The following TNC variants were observed in gnomAD, a reference collection of about 807,000 sequenced individuals.
TNC encodes the protein tenascin C.
Under a neutral mutation model 202.4 loss-of-function variants are expected in TNC, and 109 were observed. That is an observed-to-expected ratio of 0.54 (90% CI 0.46 to 0.63). The LOEUF is 0.63. Ranked by LOEUF, TNC falls within the 30% of genes least tolerant of loss-of-function variation. TNC has a pLI of 0.00. For missense variants in TNC, 2,756 were observed against 2,833.3 expected, an observed-to-expected ratio of 0.97 and a Z score of 0.62; for synonymous variants, 1,007 against 1,089.7, an observed-to-expected ratio of 0.92 and a Z score of 1.50.
intron 15 of TNC, among the ~76,000 whole-genome samples, chr9:115,049,226 C>T (rs1002902074): frequency 2.6e-5 from 4 of 152,134 alleles, no homozygotes; most frequent in Non-Finnish European, 5.9e-5. Context: ...CTCCTTCATT[C>T]GTTCACCAAA....
At chr9:115,035,940 G>C (rs1830289382) in intron 21 of TNC, 158 bp downstream of exon 21, 1 of 840,476 alleles carries the variant, frequency 1.2e-6, no homozygotes, top group African/African-American at 1.7e-5. Context: ...TTCAGGCCTT[G>C]ACTGAGTGGG....
At chr9:115,078,273 G>A in intron 6 of TNC, 61 bp from the exon 7 acceptor site, 1 of 1,526,026 alleles carries the variant, frequency 6.6e-7, no homozygotes, top group South Asian at 1.3e-5. Context: ...AGGCTTAGCA[G>A]AGAGAGGACT....
At chr9:115,105,386 C>G (rs569827020) in intron 1 of TNC, among the ~76,000 whole-genome samples, 2 of 152,272 alleles carry the variant, frequency 1.3e-5, no homozygotes, top group African/African-American at 4.8e-5. Flanking sequence ...TGTGGATTAT[C>G]TCATTGAATC....
chr9:115,026,351 A>G (rs1829480807), intron 26 of TNC, among the ~76,000 whole-genome samples, 183 bp downstream of exon 26: 1 of 152,196 alleles, frequency 6.6e-6, no homozygotes, highest in African/African-American at 2.4e-5. Flanking sequence ...TCAGGACCCA[A>G]ATATCTACCC....
intron 26 of TNC, among the ~76,000 whole-genome samples, chr9:115,024,474 A>G (rs532641504): frequency 6.6e-6 from 1 of 152,340 alleles, no homozygotes; most frequent in South Asian, 2.1e-4. Context: ...CAATGGAACC[A>G]GCACTTTGAT....
chr9:115,021,954 A>G (rs1829105466), intron 27 of TNC, among the ~76,000 whole-genome samples: 1 of 152,204 alleles, frequency 6.6e-6, no homozygotes, highest in East Asian at 1.9e-4. Flanking sequence ...CTTGGTAAAT[A>G]TTACTTCCCT....
Position 115,021,110 on chromosome 9 carries a change from T to G in TNC, c.*47A>C, listed in dbSNP as rs1396912232. On this transcript the variant is annotated 3_prime_UTR_variant, in exon 28 of 28. Coordinates refer to ENST00000350763, the MANE Select transcript of TNC (RefSeq NM_002160.4). Reference sequence around the variant, plus strand: ...GTATTGATGCTTTGGTAAAATCCTTTCCTCGCTCTGGGCCTTATTCCTCTC... The same window carrying G: ...GTATTGATGCTTTGGTAAAATCCTTGCCTCGCTCTGGGCCTTATTCCTCTC... 8 of 1,478,496 alleles carry G rather than the reference T, an allele frequency of 5.4e-6. No homozygotes were observed. Among genetic ancestry groups the G allele is most frequent in the Non-Finnish European group, 7.5e-6 (8 of 1,059,972 alleles). 91.6% of individuals were successfully genotyped at this position (1,478,496 alleles called of 1,614,324 possible).
At chr9:115,061,480 A>G (rs1455002806) in intron 13 of TNC, among the ~76,000 whole-genome samples, 1 of 152,200 alleles carries the variant, frequency 6.6e-6, no homozygotes, top group Non-Finnish European at 1.5e-5. Context: ...GGAAGATATG[A>G]GCATCTTGCA....
chr9:115,063,691 C>G (rs1291054425), intron 12 of TNC, 105 bp downstream of exon 12: 2 of 1,236,246 alleles, frequency 1.6e-6, no homozygotes, highest in Non-Finnish European at 2.3e-6. Flanking sequence ...TGGTATTTCC[C>G]CAATGTGGTA....
At chr9:115,027,183 G>GT (rs1173971051) in intron 25 of TNC, among the ~76,000 whole-genome samples, 3 of 151,970 alleles carry the variant, frequency 2.0e-5, no homozygotes, top group Non-Finnish European at 4.4e-5. Flanking sequence ...GCTTGCTGGA[G>GT]TAATACTAGG....
In TNC at chr9:115,042,311, G is replaced by A. The variant is rs970506516; in HGVS notation, c.5156C>T (p.Ser1719Leu). 11 of 1,613,998 alleles carry A rather than the reference G, an allele frequency of 6.8e-6. No homozygotes were observed. The African/African-American group carries it at 1.2e-4, about 18-fold the overall frequency. The change falls in exon 18 of 28, where the codon TCA (serine) becomes TTA (leucine). Residue 1719 changes from serine to leucine, a missense_variant. Coordinates refer to ENST00000350763, the MANE Select transcript of TNC (RefSeq NM_002160.4). ...AGTAGCCGAATTTTCAGTGATGTCT[G>A]AGAAAATGACTTCCTTTGGGGAGCC... The part of the protein sequence containing the change: ...AMGSPKEVIF[S>L]DITENSATVS...
At chr9:115,021,318 T>G (rs1187442926) in intron 27 of TNC, 51 bp from the exon 28 acceptor site, 4 of 1,394,040 alleles carry the variant, frequency 2.9e-6, no homozygotes, top group Non-Finnish European at 4.0e-6. Flanking sequence ...GGCCTCCAGG[T>G]TGGTTACTGT....
intron 1 of TNC, among the ~76,000 whole-genome samples, chr9:115,091,608 T>C (rs1835241719): frequency 6.6e-6 from 1 of 152,232 alleles, no homozygotes; most frequent in African/African-American, 2.4e-5. Context: ...TGAATTATTA[T>C]AGTGTTATAA....
At chr9:115,043,587 C>T (rs1051331603) in intron 17 of TNC, among the ~76,000 whole-genome samples, 4 of 152,218 alleles carry the variant, frequency 2.6e-5, no homozygotes, top group African/African-American at 9.7e-5. Flanking sequence ...AAATGTGAAA[C>T]TCCCAGCACA....
At chr9:115,030,157 A>T in intron 24 of TNC, 97 bp downstream of exon 24, 1 of 1,273,494 alleles carries the variant, frequency 7.9e-7, no homozygotes, top group Non-Finnish European at 1.1e-6. Flanking sequence ...GGGGTGTCAG[A>T]GTGCATCAGG....
chr9:115,028,266 T>C (rs754014331), intron 25 of TNC, among the ~76,000 whole-genome samples: 2 of 152,206 alleles, frequency 1.3e-5, no homozygotes, highest in Non-Finnish European at 2.9e-5. Context: ...TCTTTCTTTC[T>C]AATAAACGTT....
chr9:115,057,377 T>C lies in TNC; in HGVS notation c.4355A>G (p.Glu1452Gly), dbSNP rs937900326. 6.2e-7 allele frequency: 1 copy of C among 1,613,814 alleles called. No individual in the cohort carries two copies. Among genetic ancestry groups the C allele is most frequent in the East Asian group, 2.2e-5 (1 of 44,888 alleles). The change falls in exon 15 of 28, where the codon GAG becomes GGG. Residue 1452 changes from glutamate (E) to glycine (G), a missense_variant. Physicochemically the swap from Glu to Gly is moderately conservative, Grantham distance 98. Around this residue, in one of 2 missense-constraint regions of TNC, gnomAD observed 2,559 missense variants for 2,546.0 expected, o/e 1.01. Transcript: ENST00000350763. ...GNLNVSDITP[E>G]SFNLSWMATD... is the part of the protein sequence containing the mutation. ...AGCCATCCAGGAGAGATTGAAGCTCTCGGGAGTTATGTCAGAAACATTTAA... is the reference window on the plus strand; with the variant it reads ...AGCCATCCAGGAGAGATTGAAGCTCCCGGGAGTTATGTCAGAAACATTTAA...
intron 2 of TNC, among the ~76,000 whole-genome samples, chr9:115,089,282 T>C (rs1243403950): frequency 6.6e-6 from 1 of 152,258 alleles, no homozygotes. Flanking sequence ...TGGTAATTTT[T>C]TTCTGAGTGG....
chr9:115,077,936 C>T lies in TNC; in HGVS notation c.2674+7G>A. 1 of 1,613,120 alleles carries T rather than the reference C, an allele frequency of 6.2e-7. No individual in the cohort carries two copies. Among genetic ancestry groups the T allele is most frequent in the Non-Finnish European group, 8.5e-7 (1 of 1,179,228 alleles). On this transcript the variant is annotated splice_region_variant and intron_variant, in intron 7 of 27. Coordinates refer to ENST00000350763, the MANE Select transcript of TNC (RefSeq NM_002160.4). ...ACTATATCTGTTAACAGGGGGAGGC[C>T]TTTTACCTGTTGTGAAGGTCTCTTT...
Sources: gnomAD v4.1 joint callset for allele counts (sites outside exome capture counted in the v4.1 genomes callset) on GRCh38, gnomAD v4.1.1 for gene constraint, gnomAD v4.1.1 regional missense constraint, MANE v1.5 for transcripts, NCBI Gene and HGNC (gene_info 2026-07-23, HGNC 2026-07-21) for gene names.